CDH22: variants seen among roughly 807,000 people sequenced by gnomAD.
CDH22 encodes cadherin 22.
A neutral mutation model predicts 58.4 loss-of-function variants in CDH22; 30 were observed. That is an observed-to-expected ratio of 0.51 (90% CI 0.38 to 0.70). CDH22 has a LOEUF of 0.70. Among genes scored for constraint, CDH22 ranks in the 30% least tolerant of loss-of-function variants. CDH22 has a pLI of 0.00. For synonymous variants in CDH22, 513 were observed against 558.2 expected (o/e 0.92, Z 1.14); for missense variants, 1,014 against 1,233.9 (o/e 0.82, Z 2.67).
intron 1 of CDH22, among the ~76,000 whole-genome samples, chr20:46,284,841 G>A (rs1289379796): frequency 1.3e-5 from 2 of 152,184 alleles, no homozygotes; most frequent in Admixed American, 1.3e-4. Context: ...AGGAGAAACT[G>A]TCTCCTGCCG....
intron 1 of CDH22, among the ~76,000 whole-genome samples, chr20:46,279,817 A>G (rs2086540640): frequency 6.6e-6 from 1 of 152,234 alleles, no homozygotes; most frequent in African/African-American, 2.4e-5. Context: ...CTTTATTTAA[A>G]TAATTTCTGC....
At position 46,216,286 on chromosome 20, in the gene CDH22, G is replaced by C. The variant is rs914198171; in HGVS notation, c.838+540C>G. 1.3e-5 allele frequency among the ~76,000 whole-genome samples: 2 copies of C among 152,212 alleles called. No individual in the cohort carries two copies. Among genetic ancestry groups the C allele is most frequent in the Non-Finnish European group, 2.9e-5 (2 of 68,036 alleles). On this transcript the variant is annotated intron_variant, in intron 5 of 11. Coordinates refer to ENST00000537909, the MANE Select transcript of CDH22 (RefSeq NM_021248.3). This position sits in a 1 kb window ranked among gnomAD's most constrained non-coding sequence, Gnocchi z 5.3. The stretch of plus-strand genomic sequence containing the variant: ...GAGGGTGGAAAGGCCTCCTAATTCA[G>C]AAGCACAGAGTCGCGCTACCCAGGC...
Position 46,251,407 on chromosome 20 carries a change from G to T in CDH22, c.-113C>A, listed in dbSNP as rs1176865008. On this transcript the variant is annotated 5_prime_UTR_variant, in exon 2 of 12. Coordinates refer to ENST00000537909, the MANE Select transcript of CDH22 (RefSeq NM_021248.3). The surrounding 1 kb of genome is among the most constrained non-coding windows in gnomAD (Gnocchi z 6.7). ...GTCACATGGTGGCCTCAGCGCGGCCGCCGGGATGTCGCCCCCGACGGGGCA... is the reference window on the plus strand; with the variant it reads ...GTCACATGGTGGCCTCAGCGCGGCCTCCGGGATGTCGCCCCCGACGGGGCA... The T allele has an allele frequency of 1.1e-5, 13 of 1,222,282 alleles. No homozygotes were observed. Among genetic ancestry groups the T allele is most frequent in the Non-Finnish European group, 1.4e-5 (13 of 951,460 alleles). 75.7% of individuals were successfully genotyped at this position (1,222,282 alleles called of 1,614,324 possible).
At chr20:46,228,380 G>A in intron 3 of CDH22, among the ~76,000 whole-genome samples, 1 of 152,194 alleles carries the variant, frequency 6.6e-6, no homozygotes, top group East Asian at 1.9e-4. Context: ...TAGACTGCTG[G>A]GGAGAGTATA....
chr20:46,270,394 T>G (rs1383302014), intron 1 of CDH22, among the ~76,000 whole-genome samples: 2 of 152,080 alleles, frequency 1.3e-5, no homozygotes, highest in African/African-American at 2.4e-5. Context: ...GGGTGACAGA[T>G]AGGCAGCACT....
chr20:46,302,852 G>A (rs915738092), intron 1 of CDH22, among the ~76,000 whole-genome samples: 3 of 151,924 alleles, frequency 2.0e-5, no homozygotes, highest in African/African-American at 7.3e-5. Flanking sequence ...ACAGCCTCCC[G>A]AGCCAGGAAT....
chr20:46,269,021 G>A (rs573695287), intron 1 of CDH22, among the ~76,000 whole-genome samples: 1 of 152,274 alleles, frequency 6.6e-6, no homozygotes, highest in East Asian at 1.9e-4. Context: ...TCTCTGGCAG[G>A]CCTGTTATCT....
chr20:46,299,653 A>T (rs1407845461), intron 1 of CDH22, among the ~76,000 whole-genome samples: 2 of 152,272 alleles, frequency 1.3e-5, no homozygotes, highest in Non-Finnish European at 2.9e-5. Flanking sequence ...GCAAAATAGC[A>T]CAGTATTAGT....
At chr20:46,266,899 G>T (rs1215920284) in intron 1 of CDH22, among the ~76,000 whole-genome samples, 1 of 147,338 alleles carries the variant, frequency 6.8e-6, no homozygotes, top group Non-Finnish European at 1.5e-5. Flanking sequence ...TAACAGGAAG[G>T]TCTATAGGGT....
At chr20:46,234,030 C>A (rs2145719190) in intron 3 of CDH22, among the ~76,000 whole-genome samples, 1 of 152,320 alleles carries the variant, frequency 6.6e-6, no homozygotes, top group South Asian at 2.1e-4. Context: ...CAAATGATAT[C>A]CTTGGGGAAC....
intron 8 of CDH22, among the ~76,000 whole-genome samples, chr20:46,196,797 G>GA (rs1344958117): frequency 6.6e-6 from 1 of 152,208 alleles, no homozygotes; most frequent in East Asian, 1.9e-4. Flanking sequence ...GCCCGGAACA[G>GA]AGTCAAGACC....
At chr20:46,297,955 C>T (rs2086635994) in intron 1 of CDH22, among the ~76,000 whole-genome samples, 1 of 152,088 alleles carries the variant, frequency 6.6e-6, no homozygotes, top group Admixed American at 6.6e-5. Context: ...CACCACTCCC[C>T]CTACCCACCT....
intron 3 of CDH22, among the ~76,000 whole-genome samples, chr20:46,232,756 C>A (rs1322190751): frequency 2.6e-5 from 4 of 152,186 alleles, no homozygotes; most frequent in African/African-American, 7.2e-5. Flanking sequence ...CAACATCCAC[C>A]CCTGCTGCCC....
Position 46,174,881 on chromosome 20 carries a change from G to T in CDH22, c.2112C>A (p.Gly704=). 7.3e-7 allele frequency: 1 copy of T among 1,363,364 alleles called. No individual in the cohort carries two copies. The highest frequency in any genetic ancestry group is 9.5e-7 in the Non-Finnish European group (1 of 1,051,920). 84.5% of individuals were successfully genotyped at this position (1,363,364 alleles called of 1,614,324 possible). Residue 704 remains glycine, a synonymous_variant, in exon 12 of 12, where the codon GGC becomes GGA. Coordinates refer to ENST00000537909, the MANE Select transcript of CDH22 (RefSeq NM_021248.3). This position sits in a 1 kb window ranked among gnomAD's most constrained non-coding sequence, Gnocchi z 4.4. ...CCCCGCCCGCTCCCCCGCCCGCGCT[G>T]CCGCCCCCGTCGCCGCCCTTGAGCT... ...FGELKGGDGG[G]SAGGGAGGGS... is the part of the protein sequence containing the mutation.
intron 8 of CDH22, among the ~76,000 whole-genome samples, chr20:46,189,324 G>A (rs577379303): frequency 5.0e-4 from 76 of 152,324 alleles, no homozygotes; most frequent in Admixed American, 8.5e-4. Context: ...GTGCGTTGCC[G>A]GAGAATTTCA....
At chr20:46,255,018 A>T (rs1012765125) in intron 1 of CDH22, among the ~76,000 whole-genome samples, 2 of 152,102 alleles carry the variant, frequency 1.3e-5, no homozygotes, top group African/African-American at 4.8e-5. Context: ...ATATATTTTT[A>T]AAATTTTATT....
chr20:46,231,538 G>A (rs929973642), intron 3 of CDH22, among the ~76,000 whole-genome samples: 13 of 152,156 alleles, frequency 8.5e-5, no homozygotes, highest in Non-Finnish European at 1.8e-4. Context: ...AGAGGGGCTC[G>A]ATGACTTCCC....
chr20:46,200,205 A>G (rs148641346), intron 7 of CDH22, among the ~76,000 whole-genome samples: 5,675 of 151,530 alleles, frequency 0.037, 370 homozygotes, highest in East Asian at 0.31. Flanking sequence ...TGATCTCCTG[A>G]CCTCGTGATC....
chr20:46,187,672 A>G (rs1302722708), intron 8 of CDH22, among the ~76,000 whole-genome samples: 1 of 151,786 alleles, frequency 6.6e-6, no homozygotes, highest in Non-Finnish European at 1.5e-5. Flanking sequence ...CAGCCCACCT[A>G]TTACTACTAT....
Sources: allele counts gnomAD v4.1 joint callset (sites outside exome capture counted in the v4.1 genomes callset), GRCh38; gene constraint gnomAD v4.1.1; non-coding constraint Gnocchi (gnomAD v3.1); transcripts MANE v1.5; gene names NCBI Gene and HGNC (gene_info 2026-07-23, HGNC 2026-07-21).